The following CCDC32 variants were observed in gnomAD, a reference collection of about 807,000 sequenced individuals.
CCDC32 encodes coiled-coil domain containing 32.
In CCDC32, 9 loss-of-function variants were observed where a neutral mutation model predicts 20.1. The ratio of observed to expected loss-of-function variants is 0.45; its 90% CI spans 0.27 to 0.78. CCDC32 has a LOEUF of 0.78. CCDC32 is among the 30% of genes least tolerant of loss of function. CCDC32 has a pLI of 0.16. For synonymous variants in CCDC32, 63 were observed against 79.0 expected (o/e 0.80, Z 1.07); for missense variants, 204 against 215.5 (o/e 0.95, Z 0.33).
chr15:40,522,456 T>C, the CCDC32 span, among the ~76,000 whole-genome samples: 14 of 152,216 alleles, frequency 9.2e-5, no homozygotes, highest in South Asian at 4.1e-4. Context: ...GGAATTTCTA[T>C]ATGAATTTTA....
chr15:40,535,432 C>T (rs1300410532), downstream of CCDC32: 4 of 997,870 alleles, frequency 4.0e-6, no homozygotes, highest in African/African-American at 7.0e-5. Flanking sequence ...CTTTCATGAG[C>T]ATTCTCTCAT....
downstream of CCDC32, among the ~76,000 whole-genome samples, chr15:40,549,686 GA>G (rs749722418): frequency 5.9e-5 from 9 of 152,236 alleles, no homozygotes; most frequent in Non-Finnish European, 1.3e-4. Context: ...TTGGTTAGAT[GA>G]ATGAATCTCT....
At position 40,557,302 on chromosome 15, in the gene CCDC32, G is replaced by A. The variant is rs1890311806; in HGVS notation, c.315C>T (p.Ala105=). ...GATCCCAGCATTCCTTCTTGGCTTGGGCCAGAGTTCGAAGCATGTCCTTGG... is the reference window on the plus strand; with the variant it reads ...GATCCCAGCATTCCTTCTTGGCTTGAGCCAGAGTTCGAAGCATGTCCTTGG... The part of the protein sequence containing the change: ...VTSKDMLRTL[A]QAKKECWDRF... The change falls in exon 3 of 4, where the codon GCC becomes GCT. Residue 105 remains alanine, a synonymous_variant. Coordinates refer to ENST00000416810, the MANE Select transcript of CCDC32 (RefSeq NM_001080792.4). 1 of 1,614,138 alleles carries A rather than the reference G, an allele frequency of 6.2e-7. No homozygotes were observed. Among genetic ancestry groups the A allele is most frequent in the Non-Finnish European group, 8.5e-7 (1 of 1,180,020 alleles).
At chr15:40,536,872 A>T (rs1889135519), downstream of CCDC32, 1 of 152,326 alleles carries the variant, frequency 6.6e-6, no homozygotes, top group African/African-American at 2.4e-5. Flanking sequence ...AAAAAGTTCC[A>T]TGGGGCCACA....
chr15:40,541,974 C>T (rs1268366343), intron 3 of CCDC32, among the ~76,000 whole-genome samples: 1 of 152,176 alleles, frequency 6.6e-6, no homozygotes, highest in Non-Finnish European at 1.5e-5. Flanking sequence ...CTCACCAGCT[C>T]TCCCTCCCAA....
downstream of CCDC32, chr15:40,534,986 T>C (rs932471703): frequency 1.8e-5 from 13 of 702,980 alleles, no homozygotes; most frequent in Middle Eastern, 9.2e-4. Context: ...TTGGGTTTAG[T>C]GACTTGATCT....
intron 3 of CCDC32, among the ~76,000 whole-genome samples, chr15:40,529,129 A>C (rs1888805577): frequency 6.6e-6 from 1 of 152,314 alleles, no homozygotes; most frequent in African/African-American, 2.4e-5. Context: ...GCTTCATCTC[A>C]GCCCCTTTTC....
chr15:40,528,900 C>A, intron 3 of CCDC32: 1 of 637,168 alleles, frequency 1.6e-6, no homozygotes, highest in Non-Finnish European at 2.8e-6. Context: ...TCGTGTCTAA[C>A]CACCTCTGGC....
At chr15:40,528,673 G>A (rs1362261954), downstream of CCDC32, 2 of 673,078 alleles carry the variant, frequency 3.0e-6, no homozygotes, top group African/African-American at 1.8e-5. Flanking sequence ...TGATGACGGA[G>A]GTGGGTTGGA....
chr15:40,541,610 G>A (rs1336979771), intron 3 of CCDC32, among the ~76,000 whole-genome samples: 2 of 152,146 alleles, frequency 1.3e-5, no homozygotes, highest in African/African-American at 2.4e-5. Context: ...GGGATTACAG[G>A]CCACCGCGCT....
chr15:40,539,038 T>C, downstream of CCDC32: 1 of 584,028 alleles, frequency 1.7e-6, no homozygotes, highest in South Asian at 2.0e-5. Flanking sequence ...AAGCCCTGTC[T>C]CTCTCTTGGC....
At chr15:40,547,320 C>T (rs1369740620) in intron 3 of CCDC32, among the ~76,000 whole-genome samples, 1 of 152,092 alleles carries the variant, frequency 6.6e-6, no homozygotes, top group Non-Finnish European at 1.5e-5. Context: ...TGATCTGGTG[C>T]CAGGCTCAGG....
chr15:40,552,678 G>A (rs938001860), downstream of CCDC32, among the ~76,000 whole-genome samples: 2 of 148,858 alleles, frequency 1.3e-5, no homozygotes, highest in African/African-American at 4.9e-5. Context: ...AGGAGGCTGA[G>A]GTGGGAGGAT....
downstream of CCDC32, among the ~76,000 whole-genome samples, chr15:40,525,725 T>G (rs2141593323): frequency 6.6e-6 from 1 of 152,224 alleles, no homozygotes; most frequent in South Asian, 2.1e-4. Context: ...TGTTTCTCCC[T>G]TAAGCTTTGA....
chr15:40,564,228 C>T lies in CCDC32; in HGVS notation c.-13+748G>A, dbSNP rs566103365. 1.9e-4 allele frequency among the ~76,000 whole-genome samples: 29 copies of T among 152,284 alleles called. No individual in the cohort carries two copies. In the South Asian group the frequency reaches 5.0e-3, roughly 26 times the overall value. On this transcript the variant is annotated intron_variant, in intron 1 of 3. Coordinates refer to ENST00000416810, the MANE Select transcript of CCDC32 (RefSeq NM_001080792.4). ...TCTGTCAGAGAGTACTGTTACAATG[C>T]AAGGGCTGTGTGCTCAGCGCATGCA...
chr15:40,526,011 G>C (rs2141593470), downstream of CCDC32, among the ~76,000 whole-genome samples: 1 of 150,846 alleles, frequency 6.6e-6, no homozygotes, highest in South Asian at 2.1e-4. Context: ...GGGCTTTACT[G>C]TTCTTTCCCA....
chr15:40,543,562 C>G (rs1889491343), intron 3 of CCDC32, among the ~76,000 whole-genome samples: 1 of 152,194 alleles, frequency 6.6e-6, no homozygotes, highest in Non-Finnish European at 1.5e-5. Flanking sequence ...TCAAGAGATT[C>G]TTCTGCCTCA....
intron 1 of CCDC32, among the ~76,000 whole-genome samples, chr15:40,563,716 A>G (rs894276876): frequency 2.0e-5 from 3 of 152,012 alleles, no homozygotes; most frequent in Admixed American, 6.5e-5. Flanking sequence ...ACAAATCTGT[A>G]GGGCATTTCC....
downstream of CCDC32, chr15:40,528,545 G>A (rs979880964): frequency 3.8e-5 from 21 of 547,456 alleles, no homozygotes; most frequent in Admixed American, 5.2e-4. Flanking sequence ...GCTTGTCCTG[G>A]TTGGGCATGA....
Sources: allele counts gnomAD v4.1 joint callset (sites outside exome capture counted in the v4.1 genomes callset), GRCh38; gene constraint gnomAD v4.1.1; transcripts MANE v1.5; gene names NCBI Gene and HGNC (gene_info 2026-07-23, HGNC 2026-07-21).